Variants in ACOT13 observed in about 807,000 individuals in gnomAD.
ACOT13 encodes the protein acyl-coenzyme A thioesterase 13.
In ACOT13, 10 loss-of-function variants were observed where a neutral mutation model predicts 11.8. That is an observed-to-expected ratio of 0.85 (90% confidence interval 0.53 to 1.44). The LOEUF (loss-of-function observed/expected upper bound fraction) is 1.44, where lower values mean the gene tolerates loss of function less well. ACOT13 is among the 40% of genes most tolerant of loss of function. The pLI is 0.00. For missense variants in ACOT13, 172 were observed against 174.1 expected, an observed-to-expected ratio of 0.99 and a Z score of 0.07; for synonymous variants, 53 against 61.0, an observed-to-expected ratio of 0.87 and a Z score of 0.61.
chr6:24,689,823 CAA>C (rs1384439728), intron 1 of ACOT13, among the ~76,000 whole-genome samples: 1 of 152,046 alleles, frequency 6.6e-6, no homozygotes, highest in Non-Finnish European at 1.5e-5. Context: ...GTAATGAACT[CAA>C]GAGTTATTCA....
chr6:24,673,515 C>A (rs1157088913), intron 1 of ACOT13, among the ~76,000 whole-genome samples: 1 of 152,112 alleles, frequency 6.6e-6, no homozygotes, highest in East Asian at 1.9e-4. Flanking sequence ...CACATGCCAC[C>A]AGGCCTGGCT....
At chr6:24,667,600 T>G (rs1582429494) in intron 1 of ACOT13, among the ~76,000 whole-genome samples, 3 of 152,318 alleles carry the variant, frequency 2.0e-5, no homozygotes, top group African/African-American at 7.2e-5. Flanking sequence ...TGGGAGGGAC[T>G]TTGGAGTTTG....
Position 24,704,050 on chromosome 6 carries a change from A to G in ACOT13, c.*2435A>G, listed in dbSNP as rs1190393910. The G allele has an allele frequency of 6.6e-6, 1 of 152,180 alleles. No individual in the cohort carries two copies. The highest frequency in any genetic ancestry group is 1.9e-4 in the East Asian group (1 of 5,196). The allele number at this position is 152,180 out of a possible 1,614,324, so 9.4% of individuals were successfully genotyped here. On this transcript the variant is annotated 3_prime_UTR_variant, in exon 3 of 3. Coordinates refer to ENST00000230048, the MANE Select transcript of ACOT13 (RefSeq NM_018473.4). Reference sequence around the variant, plus strand: ...AGGGGGGGATCTAAAACAAGCTACCAAGGATACTGGGACAACAAAACGAAT... The same window carrying G: ...AGGGGGGGATCTAAAACAAGCTACCGAGGATACTGGGACAACAAAACGAAT...
At chr6:24,670,186 T>A (rs1269825291) in intron 1 of ACOT13, among the ~76,000 whole-genome samples, 1 of 152,214 alleles carries the variant, frequency 6.6e-6, no homozygotes, top group Non-Finnish European at 1.5e-5. Flanking sequence ...TTTGACCAGA[T>A]TATTTATATA....
At chr6:24,674,192 G>A (rs1245479595) in intron 1 of ACOT13, among the ~76,000 whole-genome samples, 5 of 152,126 alleles carry the variant, frequency 3.3e-5, no homozygotes, top group South Asian at 2.1e-4. Context: ...CTCTCGAGTC[G>A]CTGGGATTAC....
chr6:24,699,813 A>G (rs570703203), intron 2 of ACOT13, among the ~76,000 whole-genome samples: 1 of 152,310 alleles, frequency 6.6e-6, no homozygotes, highest in African/African-American at 2.4e-5. Flanking sequence ...ATGATCTACT[A>G]AGGTACTTTT....
At chr6:24,673,257 A>C (rs1326043753) in intron 1 of ACOT13, among the ~76,000 whole-genome samples, 1 of 152,222 alleles carries the variant, frequency 6.6e-6, no homozygotes, top group African/African-American at 2.4e-5. Context: ...CACTTCCTTT[A>C]GACCTTTAAG....
At chr6:24,698,194 T>C (rs1310317431) in intron 2 of ACOT13, 127 bp downstream of exon 2, 9 of 859,366 alleles carry the variant, frequency 1.0e-5, no homozygotes, top group African/African-American at 3.5e-5. Context: ...TAACTGCACC[T>C]ATAGATTTTG....
intron 2 of ACOT13, among the ~76,000 whole-genome samples, chr6:24,700,752 T>C (rs1778878932): frequency 1.3e-5 from 2 of 152,172 alleles, no homozygotes; most frequent in African/African-American, 2.4e-5. Context: ...ACCTTTCTTA[T>C]ACCTCCTAGC....
At chr6:24,678,533 A>G (rs1206928868) in intron 1 of ACOT13, among the ~76,000 whole-genome samples, 1 of 152,102 alleles carries the variant, frequency 6.6e-6, no homozygotes, top group Non-Finnish European at 1.5e-5. Context: ...AGGAGGTAGA[A>G]TCCTTTAATT....
At chr6:24,691,946 G>T (rs546481233) in intron 1 of ACOT13, among the ~76,000 whole-genome samples, 1 of 152,312 alleles carries the variant, frequency 6.6e-6, no homozygotes, top group East Asian at 1.9e-4. Context: ...TTTCTGTCAA[G>T]CAGTCTATAT....
chr6:24,701,478 T>C lies in ACOT13; in HGVS notation c.286T>C (p.Leu96=). ...TTCAAGGTACATGTCACCTGCAAAA[T>C]TAGGAGAAGATATAGTGATTACAGC... is the stretch of plus-strand genomic sequence containing the variant. The part of the protein sequence containing the change: ...MNITYMSPAK[L]GEDIVITAHV... The change falls in exon 3 of 3, where the codon TTA becomes CTA. Residue 96 remains leucine, a synonymous_variant. Coordinates refer to ENST00000230048, the MANE Select transcript of ACOT13 (RefSeq NM_018473.4). 1 of 1,607,562 alleles carries C rather than the reference T, an allele frequency of 6.2e-7. No individual in the cohort carries two copies. Among genetic ancestry groups the C allele is most frequent in the Non-Finnish European group, 8.5e-7 (1 of 1,176,850 alleles).
At chr6:24,678,907 A>G (rs1371440253) in intron 1 of ACOT13, among the ~76,000 whole-genome samples, 3 of 152,148 alleles carry the variant, frequency 2.0e-5, no homozygotes, top group South Asian at 4.1e-4. Context: ...ATGTTCAAGC[A>G]TACCCGGGGC....
At chr6:24,688,621 C>T (rs1885208) in intron 1 of ACOT13, among the ~76,000 whole-genome samples, 120,469 of 151,822 alleles carry the variant, frequency 0.79, 48,391 homozygotes, top group African/African-American at 0.92. Context: ...GAAATCACAG[C>T]AACTGCATGT....
At chr6:24,684,435 C>T (rs535908983) in intron 1 of ACOT13, among the ~76,000 whole-genome samples, 3 of 152,218 alleles carry the variant, frequency 2.0e-5, no homozygotes, top group Admixed American at 6.5e-5. Context: ...TTTGAGTATC[C>T]GGTTAAAATC....
rs952266069 is a variant in ACOT13 at position 24,701,877 on chromosome 6, T to G, written c.*262T>G. ...TTAAAAACAGGTAAAGCAAAGAAAC[T>G]AGCAGGACCACTCTCAGTTAAGATT... is the stretch of plus-strand genomic sequence containing the variant. On this transcript the variant is annotated 3_prime_UTR_variant, in exon 3 of 3. Transcript: ENST00000230048. The G allele has an allele frequency of 1.5e-5, 5 of 336,584 alleles. No individual in the cohort carries two copies. Among genetic ancestry groups the G allele is most frequent in the African/African-American group, 1.1e-4 (5 of 47,254 alleles). 20.8% of individuals were successfully genotyped at this position (336,584 alleles called of 1,614,324 possible). A position where few individuals can be genotyped will look rare whatever the true frequency, so the allele number is the denominator to read the frequency against.
chr6:24,701,459 G>A lies in ACOT13; in HGVS notation c.267G>A (p.Thr89=), dbSNP rs779700044. ...APGVSVDMNI[T]YMSPAKLGED... is the part of the protein sequence containing the mutation. ...TTAACTATATTCATTTTCTTTCAAGGTACATGTCACCTGCAAAATTAGGAG... is the reference window on the plus strand; with the variant it reads ...TTAACTATATTCATTTTCTTTCAAGATACATGTCACCTGCAAAATTAGGAG... Residue 89 remains threonine (T), a splice_region_variant and synonymous_variant, in exon 3 of 3, where the codon ACG becomes ACA. Transcript: ENST00000230048. 2 of 1,604,460 alleles carry A rather than the reference G, an allele frequency of 1.2e-6. No homozygotes were observed.
intron 1 of ACOT13, among the ~76,000 whole-genome samples, chr6:24,668,807 A>ATT (rs17243129): frequency 7.2e-5 from 11 of 152,094 alleles, no homozygotes; most frequent in East Asian, 1.9e-4. Flanking sequence ...AGAAAGAATA[A>ATT]TTTTTTTTAA....
chr6:24,698,506 A>C (rs1778835688), intron 2 of ACOT13, among the ~76,000 whole-genome samples: 1 of 152,162 alleles, frequency 6.6e-6, no homozygotes, highest in Admixed American at 6.5e-5. Flanking sequence ...CTCTACAAAA[A>C]ATAAATATTA....
Sources: gnomAD v4.1 joint callset for allele counts (sites outside exome capture counted in the v4.1 genomes callset) on GRCh38, gnomAD v4.1.1 for gene constraint, MANE v1.5 for transcripts, NCBI Gene and HGNC (gene_info 2026-07-23, HGNC 2026-07-21) for gene names.